The following BANK1 variants were observed in gnomAD, a reference collection of about 807,000 sequenced individuals.
BANK1 encodes B-cell scaffold protein with ankyrin repeats.
A neutral mutation model predicts 94.5 loss-of-function variants in BANK1; 95 were observed. The observed-to-expected ratio is 1.00, with a 90% confidence interval of 0.85 to 1.19. The LOEUF is 1.19. Among genes scored for constraint, BANK1 ranks in the 50% most tolerant of loss-of-function variants. The probability of loss-of-function intolerance (pLI) is 0.00; values close to 1 mark genes in which losing one functional copy is unlikely to be tolerated. For synonymous variants in BANK1, 334 were observed against 308.4 expected (o/e 1.08, Z -0.87); for missense variants, 987 against 932.2 (o/e 1.06, Z -0.77).
At chr4:101,998,454 A>G (rs1725954520) in intron 7 of BANK1, among the ~76,000 whole-genome samples, 1 of 151,908 alleles carries the variant, frequency 6.6e-6, no homozygotes, top group Non-Finnish European at 1.5e-5. Context: ...AGAGCCCTCA[A>G]GTCCTGAATA....
At chr4:102,073,223 G>C (rs1372479066) in intron 15 of BANK1, among the ~76,000 whole-genome samples, 1 of 146,420 alleles carries the variant, frequency 6.8e-6, no homozygotes, top group Non-Finnish European at 1.5e-5. Context: ...CAAGCTGTGT[G>C]TATGTGCATA....
chr4:101,906,397 A>G (rs1722451555), intron 6 of BANK1, among the ~76,000 whole-genome samples: 1 of 152,138 alleles, frequency 6.6e-6, no homozygotes. Context: ...CCTCTCATCT[A>G]GCTTGCTGAA....
chr4:102,055,339 A>G (rs1192556771), intron 11 of BANK1, among the ~76,000 whole-genome samples: 2 of 152,018 alleles, frequency 1.3e-5, no homozygotes, highest in Non-Finnish European at 2.9e-5. Flanking sequence ...AATTTTTAAA[A>G]AATCTTATAA....
chr4:102,034,481 A>C (rs75897295), intron 10 of BANK1, among the ~76,000 whole-genome samples: 24 of 152,330 alleles, frequency 1.6e-4, no homozygotes, highest in Non-Finnish European at 2.9e-4. Flanking sequence ...ACAATACTTG[A>C]CATGTGGTAT....
intron 7 of BANK1, among the ~76,000 whole-genome samples, chr4:101,980,511 C>T (rs1448363199): frequency 6.6e-6 from 1 of 151,612 alleles, no homozygotes; most frequent in Non-Finnish European, 1.5e-5. Context: ...GTGTTTTAAT[C>T]TGATAAGGCT....
At chr4:101,816,373 G>T (rs546109881) in intron 1 of BANK1, among the ~76,000 whole-genome samples, 3 of 152,126 alleles carry the variant, frequency 2.0e-5, no homozygotes, top group East Asian at 3.9e-4. Flanking sequence ...GTTCAATGTA[G>T]TTCCATCCAT....
At chr4:101,839,946 T>A (rs1326926429) in intron 2 of BANK1, among the ~76,000 whole-genome samples, 1,020 of 18,870 alleles carry the variant, frequency 0.054, 75 homozygotes, top group African/African-American at 0.18. Context: ...AATTTTTTTT[T>A]TTTTTTTTTT....
intron 8 of BANK1, among the ~76,000 whole-genome samples, chr4:102,022,711 G>A (rs892234669): frequency 6.6e-6 from 1 of 152,064 alleles, no homozygotes; most frequent in Non-Finnish European, 1.5e-5. Flanking sequence ...TTCATGAAAG[G>A]ACTAAACACC....
chr4:101,915,235 G>T (rs1047118225), intron 6 of BANK1, among the ~76,000 whole-genome samples: 1 of 152,066 alleles, frequency 6.6e-6, no homozygotes, highest in Non-Finnish European at 1.5e-5. Context: ...AGATGCATAA[G>T]TTCAAGTAGC....
intron 7 of BANK1, among the ~76,000 whole-genome samples, chr4:101,952,587 A>C (rs1472161529): frequency 6.6e-6 from 1 of 152,112 alleles, no homozygotes; most frequent in Non-Finnish European, 1.5e-5. Flanking sequence ...AATTTGGTAA[A>C]ACATCCATTA....
chr4:101,799,319 A>G (rs1261202012), intron 1 of BANK1, among the ~76,000 whole-genome samples: 1 of 152,212 alleles, frequency 6.6e-6, no homozygotes, highest in East Asian at 1.9e-4. Context: ...CCATTGGTCT[A>G]TATCTCTGTT....
chr4:101,824,742 A>G (rs968734924), intron 1 of BANK1, among the ~76,000 whole-genome samples: 6 of 152,020 alleles, frequency 3.9e-5, no homozygotes, highest in African/African-American at 1.4e-4. Flanking sequence ...TAATACTGGA[A>G]GGATGCATTA....
At chr4:101,900,021 A>G (rs1232961799) in intron 6 of BANK1, among the ~76,000 whole-genome samples, 1 of 152,212 alleles carries the variant, frequency 6.6e-6, no homozygotes, top group Non-Finnish European at 1.5e-5. Flanking sequence ...TTCCATTACC[A>G]TAACAACACA....
intron 1 of BANK1, among the ~76,000 whole-genome samples, chr4:101,807,483 G>A (rs1227665026): frequency 6.6e-6 from 1 of 152,080 alleles, no homozygotes; most frequent in Non-Finnish European, 1.5e-5. Context: ...ATCAGGATTG[G>A]ATAAGTATTC....
chr4:101,995,043 C>T (rs145855159), intron 7 of BANK1, among the ~76,000 whole-genome samples: 142 of 152,182 alleles, frequency 9.3e-4, no homozygotes, highest in African/African-American at 3.1e-3. Flanking sequence ...TGGTTTGCTG[C>T]ACCCATCAAC....
chr4:102,003,966 T>C (rs2148937864), intron 7 of BANK1, among the ~76,000 whole-genome samples: 1 of 151,920 alleles, frequency 6.6e-6, no homozygotes, highest in Admixed American at 6.6e-5. Flanking sequence ...TATATGTGTA[T>C]ACATCTATAT....
chr4:101,817,831 T>G (rs950619804), intron 1 of BANK1, among the ~76,000 whole-genome samples: 1 of 108,372 alleles, frequency 9.2e-6, no homozygotes, highest in Non-Finnish European at 1.8e-5. Flanking sequence ...CATTATGAGA[T>G]TTTTTTTTTT....
At chr4:101,927,206 C>T (rs1174003633) in intron 7 of BANK1, among the ~76,000 whole-genome samples, 2 of 151,560 alleles carry the variant, frequency 1.3e-5, no homozygotes, top group Non-Finnish European at 3.0e-5. Flanking sequence ...CTTATATGGC[C>T]GCGGGTGAAA....
In BANK1 at chr4:101,790,861, C is replaced by T. The variant is rs1035724904; in HGVS notation, c.-20C>T. ...CTCGGCGGGCAGCAGTGCGCAGGCCCCTCGGCTTCAACCGCCACAATGCTG... is the reference window on the plus strand; with the variant it reads ...CTCGGCGGGCAGCAGTGCGCAGGCCTCTCGGCTTCAACCGCCACAATGCTG... On this transcript the variant is annotated 5_prime_UTR_variant, in exon 1 of 17. Coordinates refer to ENST00000322953, the MANE Select transcript of BANK1 (RefSeq NM_017935.5). 1.7e-5 allele frequency: 26 copies of T among 1,536,692 alleles called. No homozygotes were observed. The highest frequency in any genetic ancestry group is 4.8e-5 in the South Asian group (4 of 84,020).
Sources: allele counts gnomAD v4.1 joint callset (sites outside exome capture counted in the v4.1 genomes callset), GRCh38; gene constraint gnomAD v4.1.1; transcripts MANE v1.5; gene names NCBI Gene and HGNC (gene_info 2026-07-23, HGNC 2026-07-21).